Variants in DYNC1LI1 observed in about 807,000 individuals in gnomAD.
DYNC1LI1 encodes the protein dynein cytoplasmic 1 light intermediate chain 1, also known as cytoplasmic dynein 1 light intermediate chain 1.
Under a neutral mutation model 63.8 loss-of-function variants are expected in DYNC1LI1, and 19 were observed. The observed-to-expected ratio is 0.30, with a 90% CI of 0.21 to 0.44. DYNC1LI1 has a LOEUF of 0.44. Among genes scored for constraint, DYNC1LI1 ranks in the 20% least tolerant of loss-of-function variants. The pLI, the probability that DYNC1LI1 is intolerant of heterozygous loss-of-function variation, is 1.00. For synonymous variants in DYNC1LI1, 225 were observed against 232.3 expected, an observed-to-expected ratio of 0.97 and a Z score of 0.28; for missense variants, 565 against 630.2, an observed-to-expected ratio of 0.90 and a Z score of 1.11.
In DYNC1LI1 at chr3:32,570,358, C is replaced by A. The variant is rs376284778; in HGVS notation, c.208G>T (p.Val70Leu). The change falls in exon 2 of 13, where the codon GTG becomes TTG. Residue 70 changes from valine to leucine, a missense_variant. Transcript: ENST00000273130. ...AGGGAACACTTACCCAGCAGTAGCA[C>A]GTTCTTCCCCGCAGGGAGCTTGGAG... ...SRSKLPAGKN[V>L]LLLGEDGAGK... The A allele has an allele frequency of 6.3e-7, 1 of 1,593,196 alleles. No individual in the cohort carries two copies. The highest frequency in any genetic ancestry group is 1.3e-5 in the African/African-American group (1 of 74,406).
At chr3:32,558,846 CAA>C (rs35953455) in intron 2 of DYNC1LI1, among the ~76,000 whole-genome samples, 28 of 132,124 alleles carry the variant, frequency 2.1e-4, no homozygotes, top group Non-Finnish European at 2.6e-4. Flanking sequence ...AACTCCATCT[CAA>C]AAAAAAAAAA....
intron 6 of DYNC1LI1, 109 bp from the exon 7 acceptor site, chr3:32,534,755 T>C: frequency 2.3e-6 from 2 of 883,582 alleles, no homozygotes; most frequent in East Asian, 2.8e-5. Flanking sequence ...GTTTCAGAAA[T>C]AACTCCAAAG....
intron 1 of DYNC1LI1, 65 bp from the exon 2 acceptor site, chr3:32,570,484 C>G (rs958029632): frequency 1.3e-6 from 2 of 1,493,302 alleles, no homozygotes; most frequent in Admixed American, 2.2e-5. Context: ...GGGACGGACC[C>G]GGCCTCGGCG....
intron 5 of DYNC1LI1, among the ~76,000 whole-genome samples, chr3:32,537,795 T>C (rs1697794243): frequency 7.1e-6 from 1 of 141,702 alleles, no homozygotes; most frequent in Non-Finnish European, 1.5e-5. Context: ...GTGTAAAATA[T>C]AAAAATAAAC....
At chr3:32,529,138 C>A (rs1348468393) in intron 11 of DYNC1LI1, among the ~76,000 whole-genome samples, 1 of 152,154 alleles carries the variant, frequency 6.6e-6, no homozygotes, top group Non-Finnish European at 1.5e-5. Context: ...GTTGAATAAT[C>A]ATTTGAAAAA....
At chr3:32,568,339 G>T (rs946799362) in intron 2 of DYNC1LI1, among the ~76,000 whole-genome samples, 3 of 152,148 alleles carry the variant, frequency 2.0e-5, no homozygotes, top group Non-Finnish European at 4.4e-5. Flanking sequence ...ATCTTCAGGG[G>T]TATTTTAGAA....
intron 2 of DYNC1LI1, among the ~76,000 whole-genome samples, chr3:32,561,028 AAAAAACAAAC>A (rs1698185345): frequency 2.2e-5 from 3 of 138,178 alleles, no homozygotes; most frequent in African/African-American, 9.6e-5. Context: ...AAAAAAAAAA[AAAAAACAAAC>A]AAAAAAAACA....
chr3:32,553,356 C>G (rs561446467), intron 2 of DYNC1LI1, among the ~76,000 whole-genome samples: 1 of 152,082 alleles, frequency 6.6e-6, no homozygotes, highest in African/African-American at 2.4e-5. Context: ...ACAAAAAACC[C>G]AAACCAAACC....
intron 2 of DYNC1LI1, among the ~76,000 whole-genome samples, chr3:32,551,010 A>G (rs1360601350): frequency 6.6e-6 from 1 of 152,116 alleles, no homozygotes. Context: ...ATTAAAAAAA[A>G]AAAAAAGAAA....
chr3:32,533,238 C>A, intron 7 of DYNC1LI1, 141 bp from the exon 8 acceptor site: 4 of 1,305,348 alleles, frequency 3.1e-6, no homozygotes, highest in Non-Finnish European at 3.0e-6. Flanking sequence ...ATTATGATGT[C>A]CACGTTTTAC....
intron 12 of DYNC1LI1, among the ~76,000 whole-genome samples, chr3:32,528,213 T>A (rs1004750423): frequency 1.3e-5 from 2 of 150,980 alleles, no homozygotes; most frequent in Admixed American, 1.3e-4. Context: ...CCATACATTG[T>A]ATGACTCCAT....
At chr3:32,564,111 G>A (rs1345311429) in intron 2 of DYNC1LI1, among the ~76,000 whole-genome samples, 2 of 152,108 alleles carry the variant, frequency 1.3e-5, no homozygotes, top group East Asian at 3.9e-4. Context: ...GACCAGCCTG[G>A]GCAACATAGT....
chr3:32,551,804 C>T (rs941753897), intron 2 of DYNC1LI1, among the ~76,000 whole-genome samples: 1 of 152,114 alleles, frequency 6.6e-6, no homozygotes, highest in Non-Finnish European at 1.5e-5. Context: ...GTGTTTGGTC[C>T]TAAGTCTTTT....
chr3:32,543,398 CT>C (rs968681360), intron 4 of DYNC1LI1, among the ~76,000 whole-genome samples: 6,770 of 127,422 alleles, frequency 0.053, 111 homozygotes, highest in Middle Eastern at 0.075. Context: ...TATTTCCTTT[CT>C]TTTTTTTTTT....
chr3:32,559,741 G>T (rs539608706), intron 2 of DYNC1LI1, among the ~76,000 whole-genome samples: 99 of 152,322 alleles, frequency 6.5e-4, no homozygotes, highest in African/African-American at 2.3e-3. Context: ...GAATTCTAAT[G>T]TGCTATATCC....
chr3:32,568,835 T>C (rs1456123450), intron 2 of DYNC1LI1, among the ~76,000 whole-genome samples: 1 of 152,246 alleles, frequency 6.6e-6, no homozygotes, highest in Non-Finnish European at 1.5e-5. Flanking sequence ...AATGAGGTCA[T>C]ATGAGCTTAA....
chr3:32,548,051 AT>A lies in DYNC1LI1; in HGVS notation c.221-2087del, dbSNP rs1398153153. ...ACACACATACTCGCAATGCAATACT[AT>A]TTAGCCTCAAAGAAGGAAGGAATTT... is the stretch of plus-strand genomic sequence containing the variant. On this transcript the variant is annotated intron_variant, in intron 2 of 12. Coordinates refer to ENST00000273130, the MANE Select transcript of DYNC1LI1 (RefSeq NM_016141.4). Among the ~76,000 whole-genome samples, 6 of 152,084 alleles carry A rather than the reference AT, an allele frequency of 3.9e-5. No individual in the cohort carries two copies. The East Asian group carries it at 1.2e-3, about 29-fold the overall frequency.
intron 6 of DYNC1LI1, among the ~76,000 whole-genome samples, chr3:32,536,059 T>C (rs1697769900): frequency 1.3e-5 from 2 of 152,134 alleles, no homozygotes; most frequent in African/African-American, 2.4e-5. Context: ...ACTCAGCCAT[T>C]TGGTGACATG....
At chr3:32,559,659 T>C (rs1462545545) in intron 2 of DYNC1LI1, among the ~76,000 whole-genome samples, 3 of 152,158 alleles carry the variant, frequency 2.0e-5, no homozygotes, top group Non-Finnish European at 2.9e-5. Flanking sequence ...ATAATAGCTA[T>C]CTTGAACACT....
Sources: gnomAD v4.1 joint callset for allele counts (sites outside exome capture counted in the v4.1 genomes callset) on GRCh38, gnomAD v4.1.1 for gene constraint, MANE v1.5 for transcripts, NCBI Gene and HGNC (gene_info 2026-07-23, HGNC 2026-07-21) for gene names.